The following PLEKHA2 variants were observed in gnomAD, a reference collection of about 807,000 sequenced individuals.
PLEKHA2 encodes the protein pleckstrin homology domain-containing family A member 2.
Under a neutral mutation model 53.2 loss-of-function variants are expected in PLEKHA2, and 28 were observed. The observed-to-expected ratio is 0.53, with a 90% confidence interval of 0.39 to 0.72. PLEKHA2 has a LOEUF of 0.72. PLEKHA2 is among the 30% of genes least tolerant of loss of function. The pLI is 0.00. For synonymous variants in PLEKHA2, 193 were observed against 196.4 expected, an observed-to-expected ratio of 0.98 and a Z score of 0.14; for missense variants, 426 against 537.9, an observed-to-expected ratio of 0.79 and a Z score of 2.06.
At chr8:38,947,168 G>C (rs1834731018) in intron 5 of PLEKHA2, among the ~76,000 whole-genome samples, 1 of 152,002 alleles carries the variant, frequency 6.6e-6, no homozygotes, top group Non-Finnish European at 1.5e-5. Context: ...AAAAGAGAGA[G>C]TGATGAAAAG....
chr8:38,925,755 G>A (rs1834275171), intron 2 of PLEKHA2, among the ~76,000 whole-genome samples: 1 of 152,216 alleles, frequency 6.6e-6, no homozygotes, highest in South Asian at 2.1e-4. Context: ...CAAAGTTATG[G>A]GAGGAGGTTA....
At chr8:38,937,144 G>C (rs574474986) in intron 3 of PLEKHA2, among the ~76,000 whole-genome samples, 1 of 152,336 alleles carries the variant, frequency 6.6e-6, no homozygotes, top group African/African-American at 2.4e-5. Flanking sequence ...GCAGAGTCTG[G>C]CAGACACAGC....
chr8:38,969,665 G>A lies in PLEKHA2; in HGVS notation c.1160G>A (p.Ser387Asn). Residue 387 changes from serine to asparagine, a missense_variant, in exon 12 of 12, where the codon AGC (serine) becomes AAC (asparagine). Physicochemically the swap from Ser to Asn is conservative, Grantham distance 46. Transcript: ENST00000617275. ...TTCACGCCTCGTCCTGGGGAGGGCAGCGCTCCTGGGGTGCTGCCCAGCTCC... is the reference window on the plus strand; with the variant it reads ...TTCACGCCTCGTCCTGGGGAGGGCAACGCTCCTGGGGTGCTGCCCAGCTCC... ...SLFTPRPGEGSAPGVLPSSRI... is the reference protein window; with the variant it reads ...SLFTPRPGEGNAPGVLPSSRI... 6.3e-7 allele frequency: 1 copy of A among 1,589,846 alleles called. No individual in the cohort carries two copies.
At chr8:38,926,939 A>G (rs1242005475) in intron 2 of PLEKHA2, among the ~76,000 whole-genome samples, 1 of 152,182 alleles carries the variant, frequency 6.6e-6, no homozygotes, top group Admixed American at 6.5e-5. Flanking sequence ...CAACCAAACA[A>G]ACAAACAAAA....
chr8:38,918,468 C>T (rs1305461148), intron 2 of PLEKHA2, among the ~76,000 whole-genome samples: 1 of 36,124 alleles, frequency 2.8e-5, no homozygotes, highest in East Asian at 9.0e-4. Flanking sequence ...TACACACATG[C>T]ACACACGACA....
intron 3 of PLEKHA2, among the ~76,000 whole-genome samples, chr8:38,940,114 A>G (rs1306051016): frequency 2.6e-5 from 3 of 115,602 alleles, no homozygotes; most frequent in East Asian, 2.6e-4. Flanking sequence ...AAAAAAAAAA[A>G]GGGCCAGGCG....
Position 38,951,041 on chromosome 8 carries a change from A to C in PLEKHA2, c.486+51A>C, listed in dbSNP as rs116646656. ...GGGGAGTGGGGGTGTGGAAGTGTCC[A>C]TGGTGTGCCCATGATGTGCTCGGAG... On this transcript the variant is annotated intron_variant, in intron 6 of 11. Coordinates refer to ENST00000617275, the MANE Select transcript of PLEKHA2 (RefSeq NM_021623.2). The C allele has an allele frequency of 4.4e-3, 5,580 of 1,267,876 alleles. 193 individuals carry two copies. In the African/African-American group the frequency reaches 0.082, roughly 19 times the overall value. The allele number at this position is 1,267,876 out of a possible 1,614,324, so 78.5% of individuals were successfully genotyped here.
intron 1 of PLEKHA2, among the ~76,000 whole-genome samples, chr8:38,903,878 C>T (rs1833830624): frequency 6.6e-6 from 1 of 152,198 alleles, no homozygotes; most frequent in South Asian, 2.1e-4. Flanking sequence ...CGTTGGGTTG[C>T]TCTGCCCCCT....
intron 1 of PLEKHA2, among the ~76,000 whole-genome samples, chr8:38,914,491 C>T (rs1327045736): frequency 1.1e-4 from 17 of 152,240 alleles, no homozygotes; most frequent in Admixed American, 9.8e-4. Flanking sequence ...GCTGACCCAG[C>T]GTCCCGTTGT....
At chr8:38,929,880 G>A (rs937798211) in intron 2 of PLEKHA2, among the ~76,000 whole-genome samples, 34 of 150,888 alleles carry the variant, frequency 2.3e-4, no homozygotes, top group African/African-American at 7.6e-4. Context: ...TTTATGGATC[G>A]ATAGTTGGGT....
chr8:38,920,912 T>C (rs927053229), intron 2 of PLEKHA2, among the ~76,000 whole-genome samples: 2 of 152,000 alleles, frequency 1.3e-5, no homozygotes, highest in African/African-American at 4.8e-5. Flanking sequence ...GCGATTCTCC[T>C]GTCTCAGCCT....
chr8:38,917,087 T>G (rs1010121216), intron 1 of PLEKHA2, among the ~76,000 whole-genome samples: 2 of 152,240 alleles, frequency 1.3e-5, no homozygotes, highest in Non-Finnish European at 2.9e-5. Context: ...GAGAAATGTC[T>G]GTTTAAATCT....
chr8:38,949,529 C>T (rs1834786113), intron 5 of PLEKHA2, among the ~76,000 whole-genome samples: 1 of 152,180 alleles, frequency 6.6e-6, no homozygotes, highest in Admixed American at 6.5e-5. Context: ...ATTGTTTGGG[C>T]AAAGTCAGTG....
chr8:38,911,446 A>G (rs1311233696), intron 1 of PLEKHA2, among the ~76,000 whole-genome samples: 2 of 152,094 alleles, frequency 1.3e-5, no homozygotes, highest in African/African-American at 4.8e-5. Flanking sequence ...CATGTTGGCC[A>G]TGCTGGTTTT....
rs1834224518 is a variant in PLEKHA2 at position 38,923,243 on chromosome 8, A to C, written c.141+5173A>C. Among the ~76,000 whole-genome samples the C allele has an allele frequency of 2.0e-5, 3 of 152,306 alleles. No individual in the cohort carries two copies. The South Asian group carries it at 6.2e-4, about 32-fold the overall frequency. The stretch of plus-strand genomic sequence containing the variant: ...GTGGAGTCTCATATGGAAAGTTCTC[A>C]TGCTGCAGAGATAAGAGATCAAGGT... On this transcript the variant is annotated intron_variant, in intron 2 of 11. Transcript: ENST00000617275.
At chr8:38,941,888 T>G (rs1178279468) in intron 3 of PLEKHA2, among the ~76,000 whole-genome samples, 1 of 152,226 alleles carries the variant, frequency 6.6e-6, no homozygotes, top group Non-Finnish European at 1.5e-5. Flanking sequence ...TTTTGATCTT[T>G]TATAAGGTGC....
chr8:38,969,988 GC>G lies in PLEKHA2; in HGVS notation c.*206del. ...GTGTGTGTGTGTGTGTAATATCAAC[GC>G]AGTGTATTTAATTTGGGGAAGTCAC... On this transcript the variant is annotated 3_prime_UTR_variant, in exon 12 of 12. Transcript: ENST00000617275. The G allele has an allele frequency of 7.5e-6, 5 of 664,650 alleles. No individual in the cohort carries two copies. Among genetic ancestry groups the G allele is most frequent in the Non-Finnish European group, 1.2e-5 (5 of 410,486 alleles). 41.2% of individuals were successfully genotyped at this position (664,650 alleles called of 1,614,324 possible).
At chr8:38,944,988 A>G (rs1306229957) in intron 4 of PLEKHA2, among the ~76,000 whole-genome samples, 1 of 152,192 alleles carries the variant, frequency 6.6e-6, no homozygotes, top group African/African-American at 2.4e-5. Flanking sequence ...AGTGCCAGGA[A>G]GGGGATAAGA....
chr8:38,959,397 G>C (rs548808947), intron 10 of PLEKHA2, among the ~76,000 whole-genome samples: 7 of 152,314 alleles, frequency 4.6e-5, no homozygotes, highest in Non-Finnish European at 8.8e-5. Flanking sequence ...TTATTGAAGA[G>C]CTCGTATTTT....
Sources: allele counts gnomAD v4.1 joint callset (sites outside exome capture counted in the v4.1 genomes callset), GRCh38; gene constraint gnomAD v4.1.1; transcripts MANE v1.5; gene names NCBI Gene and HGNC (gene_info 2026-07-23, HGNC 2026-07-21).